CHODL: variants seen among roughly 807,000 people sequenced by gnomAD.
CHODL encodes the protein transmembrane protein MT75.
A neutral mutation model predicts 34.5 loss-of-function variants in CHODL; 29 were observed. The ratio of observed to expected loss-of-function variants is 0.84; its 90% CI spans 0.63 to 1.15. CHODL has a LOEUF of 1.15. Ranked by LOEUF, CHODL falls within the 50% of genes most tolerant of loss-of-function variation. The probability of loss-of-function intolerance (pLI) is 0.00; values close to 1 mark genes in which losing one functional copy is unlikely to be tolerated. For synonymous variants in CHODL, 125 were observed against 116.1 expected, an observed-to-expected ratio of 1.08 and a Z score of -0.49; for missense variants, 332 against 332.5, an observed-to-expected ratio of 1.00 and a Z score of 0.01.
rs376587539 is a variant in CHODL at position 18,261,191 on chromosome 21, T to A, written c.634+905T>A. On this transcript the variant is annotated intron_variant, in intron 4 of 5. Coordinates refer to ENST00000299295, the MANE Select transcript of CHODL (RefSeq NM_024944.3). ...TGATGATGACTTTTAATTTACAAGC[T>A]AAATGCATAGTTCTTGAATTTGCTT... Among the ~76,000 whole-genome samples, 9 of 152,320 alleles carry A rather than the reference T, an allele frequency of 5.9e-5. No individual in the cohort carries two copies. The East Asian group carries it at 7.7e-4, about 13-fold the overall frequency.
intron 2 of CHODL, among the ~76,000 whole-genome samples, chr21:18,213,858 G>A (rs1019484441): frequency 6.6e-6 from 1 of 152,080 alleles, no homozygotes; most frequent in African/African-American, 2.4e-5. Flanking sequence ...TTTATCAAAT[G>A]TTAGAGTTCA....
At chr21:18,053,737 A>T (rs1490729159) in intron 2 of CHODL, among the ~76,000 whole-genome samples, 1 of 151,962 alleles carries the variant, frequency 6.6e-6, no homozygotes, top group Non-Finnish European at 1.5e-5. Context: ...AATAAATTGT[A>T]CAGGAGGCAA....
chr21:18,042,276 C>T (rs1370237188), intron 2 of CHODL, among the ~76,000 whole-genome samples: 1 of 151,764 alleles, frequency 6.6e-6, no homozygotes, highest in Non-Finnish European at 1.5e-5. Flanking sequence ...TGAATGGACC[C>T]CCTTCTCCCC....
chr21:18,067,973 GT>G (rs1410953637), intron 2 of CHODL, among the ~76,000 whole-genome samples: 1 of 152,066 alleles, frequency 6.6e-6, no homozygotes, highest in Admixed American at 6.6e-5. Context: ...TTGTTGCTCT[GT>G]TTTATTTTTC....
At chr21:18,252,034 T>C (rs2074263183) in intron 1 of CHODL, among the ~76,000 whole-genome samples, 1 of 152,020 alleles carries the variant, frequency 6.6e-6, no homozygotes, top group African/African-American at 2.4e-5. Flanking sequence ...AAATAAATTA[T>C]CTTGGATTTT....
intron 2 of CHODL, among the ~76,000 whole-genome samples, chr21:18,051,167 G>C (rs1360504369): frequency 6.6e-6 from 1 of 151,930 alleles, no homozygotes; most frequent in Non-Finnish European, 1.5e-5. Context: ...TTATGAGTGA[G>C]AACATGGCGG....
At chr21:18,114,108 C>T (rs1170252320) in intron 2 of CHODL, among the ~76,000 whole-genome samples, 1 of 151,996 alleles carries the variant, frequency 6.6e-6, no homozygotes, top group Non-Finnish European at 1.5e-5. Context: ...TTAATGGACA[C>T]AGAAAGTAGA....
Position 18,070,034 on chromosome 21 carries a change from CCA to C in CHODL, c.-45+42065_-45+42066del, listed in dbSNP as rs1257649419. ...CTTCCCTTCCCTTCCCTCCCCCCCC[CCA>C]CCCATTTCCTTTGCTTTCCTGTTTG... On this transcript the variant is annotated intron_variant, in intron 2 of 6. Coordinates refer to the CHODL transcript ENST00000400127. Among the ~76,000 whole-genome samples the C allele has an allele frequency of 8.3e-3, 757 of 91,136 alleles. 32 individuals carry two copies. Among genetic ancestry groups the C allele is most frequent in the African/African-American group, 0.01 (297 of 29,668 alleles). 59.8% of individuals were successfully genotyped at this position (91,136 alleles called of 152,430 possible). A position where few individuals can be genotyped will look rare whatever the true frequency, so the allele number is the denominator to read the frequency against.
At chr21:18,201,132 T>A (rs2073646544) in intron 2 of CHODL, among the ~76,000 whole-genome samples, 1 of 152,202 alleles carries the variant, frequency 6.6e-6, no homozygotes, top group East Asian at 1.9e-4. Flanking sequence ...CTGGTTAACA[T>A]CTTATTCTCA....
At chr21:18,015,778 T>C (rs2146418957) in intron 1 of CHODL, among the ~76,000 whole-genome samples, 1 of 152,318 alleles carries the variant, frequency 6.6e-6, no homozygotes, top group African/African-American at 2.4e-5. Context: ...TGCTATGCTT[T>C]AGCAAGGAGA....
At chr21:18,117,715 ATAAAT>A (rs2065430090) in intron 2 of CHODL, among the ~76,000 whole-genome samples, 2 of 139,694 alleles carry the variant, frequency 1.4e-5, no homozygotes, top group Admixed American at 1.6e-4. Context: ...GATAAAATAA[ATAAAT>A]AAATAAGAAG....
chr21:18,213,357 A>T (rs1009135439), intron 2 of CHODL, among the ~76,000 whole-genome samples: 2 of 152,124 alleles, frequency 1.3e-5, no homozygotes. Context: ...ATCCAAACAA[A>T]ATGTCCCAAA....
rs1467745 is a variant in CHODL at position 18,142,911 on chromosome 21, A to G, written c.-44-113598A>G. Among the ~76,000 whole-genome samples the G allele has an allele frequency of 1.1e-3, 168 of 152,256 alleles. 1 individual carries two copies. Among genetic ancestry groups the G allele is most frequent in the African/African-American group, 3.9e-3 (161 of 41,566 alleles). On this transcript the variant is annotated intron_variant, in intron 2 of 6. Coordinates refer to the CHODL transcript ENST00000400127. ...GTACTTAAGTGCTTTGTGTATTTCT[A>G]TCTTTGGGTTGCTTAGAGATAGAAA...
chr21:18,103,541 A>T (rs370700349), intron 2 of CHODL, among the ~76,000 whole-genome samples: 6 of 152,142 alleles, frequency 3.9e-5, no homozygotes, highest in African/African-American at 1.4e-4. Context: ...TTCAAATGGC[A>T]TAGCTGGTGT....
chr21:18,264,187 G>A (rs887869247), intron 5 of CHODL, among the ~76,000 whole-genome samples: 5 of 152,224 alleles, frequency 3.3e-5, no homozygotes, highest in African/African-American at 1.2e-4. Context: ...GATGGAGGAG[G>A]GGATGGGGAG....
intron 1 of CHODL, among the ~76,000 whole-genome samples, chr21:18,255,034 T>C (rs561823011): frequency 6.6e-6 from 1 of 152,154 alleles, no homozygotes; most frequent in African/African-American, 2.4e-5. Flanking sequence ...AATGACTTTA[T>C]TGGGTATAGT....
At chr21:18,257,340 C>G (rs879579465) in intron 3 of CHODL, among the ~76,000 whole-genome samples, 6 of 152,032 alleles carry the variant, frequency 3.9e-5, no homozygotes, top group Non-Finnish European at 7.4e-5. Flanking sequence ...TAAATAAAAA[C>G]AGCTGGAGAG....
intron 2 of CHODL, among the ~76,000 whole-genome samples, chr21:18,094,844 C>T (rs908021108): frequency 2.0e-5 from 3 of 150,866 alleles, no homozygotes; most frequent in Admixed American, 2.0e-4. Context: ...AAAATAATAA[C>T]CAGGGGTGGT....
intron 4 of CHODL, among the ~76,000 whole-genome samples, 161 bp from the exon 5 acceptor site, chr21:18,262,630 G>A (rs2074396192): frequency 6.6e-6 from 1 of 152,222 alleles, no homozygotes; most frequent in African/African-American, 2.4e-5. Flanking sequence ...GTGCATGACT[G>A]TATATTATTT....
Sources: allele counts gnomAD v4.1 joint callset (sites outside exome capture counted in the v4.1 genomes callset), GRCh38; gene constraint gnomAD v4.1.1; transcripts MANE v1.5; gene names NCBI Gene and HGNC (gene_info 2026-07-23, HGNC 2026-07-21).